The following SLC24A2 variants were observed in gnomAD, a reference collection of about 807,000 sequenced individuals.
SLC24A2 encodes sodium/potassium/calcium exchanger 2.
In SLC24A2, 36 loss-of-function variants were observed where a neutral mutation model predicts 62.0. The observed-to-expected ratio is 0.58, with a 90% confidence interval of 0.44 to 0.77. The LOEUF is 0.77. Among genes scored for constraint, SLC24A2 ranks in the 30% least tolerant of loss-of-function variants. The pLI is 0.00. For missense variants in SLC24A2, 846 were observed against 817.9 expected, an observed-to-expected ratio of 1.03 and a Z score of -0.42; for synonymous variants, 358 against 294.0, an observed-to-expected ratio of 1.22 and a Z score of -2.23.
chr9:20,055,423 T>C, the SLC24A2 span, among the ~76,000 whole-genome samples: 3 of 152,298 alleles, frequency 2.0e-5, no homozygotes, highest in Admixed American at 2.0e-4. Flanking sequence ...ATCTTATAAA[T>C]ATTAAGTAAG....
At chr9:20,146,071 G>T in the SLC24A2 span, among the ~76,000 whole-genome samples, 23 of 151,828 alleles carry the variant, frequency 1.5e-4, no homozygotes, top group East Asian at 4.5e-3. Context: ...GCCAATCTGG[G>T]GTATTAAAAA....
chr9:19,542,530 G>C (rs1163631313), intron 8 of SLC24A2, among the ~76,000 whole-genome samples: 2 of 152,144 alleles, frequency 1.3e-5, no homozygotes, highest in Admixed American at 6.5e-5. Context: ...TTTTCAAAGG[G>C]AATGCTTCCA....
the SLC24A2 span, among the ~76,000 whole-genome samples, chr9:19,820,028 CAT>C: frequency 0.31 from 16,769 of 53,836 alleles, 1,760 homozygotes; most frequent in Non-Finnish European, 0.41. Flanking sequence ...TATATATACA[CAT>C]ATATATATAT....
At chr9:19,990,632 A>G in the SLC24A2 span, among the ~76,000 whole-genome samples, 1 of 148,192 alleles carries the variant, frequency 6.7e-6, no homozygotes, top group Non-Finnish European at 1.5e-5. Flanking sequence ...AAAAAAAACA[A>G]AACAAAAAAA....
At chr9:19,842,216 C>A in the SLC24A2 span, among the ~76,000 whole-genome samples, 285 of 152,320 alleles carry the variant, frequency 1.9e-3, 1 homozygote, top group Non-Finnish European at 2.9e-3. Context: ...AATGCCCTAT[C>A]CATCATCATG....
intron 7 of SLC24A2, among the ~76,000 whole-genome samples, chr9:19,559,814 A>C (rs1202997387): frequency 6.6e-6 from 1 of 152,224 alleles, no homozygotes; most frequent in East Asian, 1.9e-4. Flanking sequence ...TTTCCTAAAC[A>C]TATTGCCTAA....
chr9:20,276,309 T>G, the SLC24A2 span, among the ~76,000 whole-genome samples: 1 of 152,218 alleles, frequency 6.6e-6, no homozygotes, highest in South Asian at 2.1e-4. Context: ...ACAAAGGGGC[T>G]ACAGGCCCCA....
chr9:19,673,515 A>G (rs1012946392), intron 2 of SLC24A2, among the ~76,000 whole-genome samples: 4 of 151,966 alleles, frequency 2.6e-5, no homozygotes, highest in African/African-American at 9.7e-5. Context: ...GTGGCACGAT[A>G]TCAGTTCACT....
At chr9:20,219,797 C>T in the SLC24A2 span, among the ~76,000 whole-genome samples, 1 of 152,130 alleles carries the variant, frequency 6.6e-6, no homozygotes, top group African/African-American at 2.4e-5. Context: ...CCAGCTGTAC[C>T]ACAATTAGCC....
chr9:20,077,817 A>C, the SLC24A2 span, among the ~76,000 whole-genome samples: 1 of 152,040 alleles, frequency 6.6e-6, no homozygotes, highest in East Asian at 1.9e-4. Context: ...TTGATTGCTT[A>C]TTTCTTCTCA....
chr9:20,136,292 G>C, the SLC24A2 span, among the ~76,000 whole-genome samples: 1 of 152,184 alleles, frequency 6.6e-6, no homozygotes, highest in Non-Finnish European at 1.5e-5. Flanking sequence ...AGAGTGAATA[G>C]TCAAGTTTTC....
chr9:20,011,971 T>G, the SLC24A2 span, among the ~76,000 whole-genome samples: 3 of 152,146 alleles, frequency 2.0e-5, no homozygotes, highest in South Asian at 6.2e-4. Context: ...GCATAAAAAC[T>G]GACAAAAGTC....
chr9:19,542,821 T>TG (rs1374012337), intron 8 of SLC24A2, among the ~76,000 whole-genome samples: 1 of 152,224 alleles, frequency 6.6e-6, no homozygotes, highest in African/African-American at 2.4e-5. Context: ...TTTGATGTGC[T>TG]GCTGGATTTG....
At chr9:19,939,109 C>A in the SLC24A2 span, among the ~76,000 whole-genome samples, 28 of 152,304 alleles carry the variant, frequency 1.8e-4, no homozygotes, top group East Asian at 5.0e-3. Context: ...TTCTAGTAGT[C>A]TTGTTTCTGG....
At chr9:19,532,793 A>C (rs191244171) in intron 8 of SLC24A2, among the ~76,000 whole-genome samples, 44 of 152,338 alleles carry the variant, frequency 2.9e-4, no homozygotes, top group Non-Finnish European at 4.7e-4. Flanking sequence ...GAATCAATGA[A>C]TAATAGAAAT....
chr9:19,607,247 A>T (rs1290833597), intron 4 of SLC24A2, among the ~76,000 whole-genome samples: 1 of 152,198 alleles, frequency 6.6e-6, no homozygotes, highest in African/African-American at 2.4e-5. Flanking sequence ...TGGTCCCCCA[A>T]GTAATTGCAT....
the SLC24A2 span, among the ~76,000 whole-genome samples, chr9:19,857,733 A>G: frequency 2.9e-5 from 4 of 138,230 alleles, 1 homozygote; most frequent in African/African-American, 7.9e-5. Context: ...CTAAACTAAC[A>G]TTACTTCAGT....
the SLC24A2 span, among the ~76,000 whole-genome samples, chr9:20,247,623 G>A: frequency 6.6e-6 from 1 of 152,162 alleles, no homozygotes; most frequent in Non-Finnish European, 1.5e-5. Flanking sequence ...AGACTTCTCT[G>A]TCTCCAAAAC....
chr9:20,160,886 G>A, the SLC24A2 span, among the ~76,000 whole-genome samples: 1 of 149,684 alleles, frequency 6.7e-6, no homozygotes, highest in African/African-American at 2.4e-5. Flanking sequence ...ACACAAAAAA[G>A]ATCAGAGCAG....
Sources: allele counts gnomAD v4.1 joint callset (sites outside exome capture counted in the v4.1 genomes callset), GRCh38; gene constraint gnomAD v4.1.1; transcripts MANE v1.5; gene names NCBI Gene and HGNC (gene_info 2026-07-23, HGNC 2026-07-21).